Variants in MDM4 observed in about 807,000 individuals in gnomAD.
MDM4 encodes MDM4 regulator of p53.
A neutral mutation model predicts 60.2 loss-of-function variants in MDM4; 2 were observed. That is an observed-to-expected ratio of 0.03 (90% CI 0.01 to 0.10). The LOEUF (loss-of-function observed/expected upper bound fraction) is 0.10, where lower values mean the gene tolerates loss of function less well. Ranked by LOEUF, MDM4 falls within the 10% of genes least tolerant of loss-of-function variation. MDM4 has a pLI of 1.00. For missense variants in MDM4, 447 were observed against 577.5 expected (o/e 0.77, Z 2.32); for synonymous variants, 202 against 198.1 (o/e 1.02, Z -0.17).
At chr1:204,525,041 T>TA (rs1659979314) in intron 1 of MDM4, among the ~76,000 whole-genome samples, 1 of 152,252 alleles carries the variant, frequency 6.6e-6, no homozygotes, top group African/African-American at 2.4e-5. Flanking sequence ...TATGGTCCTT[T>TA]GTCAAGACAT....
chr1:204,529,191 G>C, intron 3 of MDM4: 1 of 772,292 alleles, frequency 1.3e-6, no homozygotes, highest in Non-Finnish European at 2.3e-6. Context: ...CATTTATGTG[G>C]CCTGATTAGG....
intron 1 of MDM4, among the ~76,000 whole-genome samples, chr1:204,523,473 ATTTTTTTTTTTTTTT>A (rs60954516): frequency 3.4e-5 from 2 of 58,968 alleles, no homozygotes; most frequent in South Asian, 9.1e-4. Flanking sequence ...CCTAAAAAAA[ATTTTTTTTTTTTTTT>A]TTTTTTTTTT....
At chr1:204,523,450 G>A (rs1230840611) in intron 1 of MDM4, among the ~76,000 whole-genome samples, 1 of 137,368 alleles carries the variant, frequency 7.3e-6, no homozygotes, top group Non-Finnish European at 1.6e-5. Flanking sequence ...CTGGGCGACA[G>A]AGCGAGACTC....
intron 9 of MDM4, among the ~76,000 whole-genome samples, chr1:204,546,169 T>G (rs1662637066): frequency 6.6e-6 from 1 of 152,184 alleles, no homozygotes; most frequent in South Asian, 2.1e-4. Flanking sequence ...TTTAACAATT[T>G]GGAGCTTTTC....
intron 3 of MDM4, chr1:204,529,146 C>G (rs1660581505): frequency 9.9e-7 from 1 of 1,007,342 alleles, no homozygotes; most frequent in Non-Finnish European, 1.5e-6. Context: ...GCTTCCACTG[C>G]TGGATGAATT....
chr1:204,529,291 A>C, intron 3 of MDM4: 1 of 751,440 alleles, frequency 1.3e-6, no homozygotes, highest in Non-Finnish European at 2.4e-6. Flanking sequence ...CACCTCCTTC[A>C]TGGAGATAAA....
intron 5 of MDM4, chr1:204,532,968 G>T: frequency 1.1e-5 from 9 of 850,334 alleles, no homozygotes; most frequent in Non-Finnish European, 1.4e-5. Context: ...TCAGAGTCAT[G>T]TAAGGTCTGC....
Position 204,553,784 on chromosome 1 carries a change from T to G in MDM4, c.*4102T>G, listed in dbSNP as rs1353151438. 1 of 221,772 alleles carries G rather than the reference T, an allele frequency of 4.5e-6. No homozygotes were observed. Among genetic ancestry groups the G allele is most frequent in the East Asian group, 6.6e-5 (1 of 15,164 alleles). 13.7% of individuals were successfully genotyped at this position (221,772 alleles called of 1,614,324 possible). A position where few individuals can be genotyped will look rare whatever the true frequency, so the allele number is the denominator to read the frequency against. ...GTGTACTTCACAGTAATTGGTATGC[T>G]TTTTTATTTAATGCTTAAATCAAAC... On this transcript the variant is annotated 3_prime_UTR_variant, in exon 11 of 11. Transcript: ENST00000367182.
In MDM4 at chr1:204,529,988, C is replaced by T. The variant is rs930688339; in HGVS notation, c.154-696C>T. On this transcript the variant is annotated intron_variant, in intron 3 of 10. Coordinates refer to ENST00000367182, the MANE Select transcript of MDM4 (RefSeq NM_002393.5). ...GCTTCCCAGGTTCAAGTGATCCTCC[C>T]GCCTCAGCCTTCCTAGTAGCTGGGA... 5.9e-5 allele frequency among the ~76,000 whole-genome samples: 9 copies of T among 152,228 alleles called. 1 individual carries two copies. Among genetic ancestry groups the T allele is most frequent in the Admixed American group, 2.6e-4 (4 of 15,286 alleles).
At chr1:204,536,112 T>C (rs1056116084) in intron 5 of MDM4, among the ~76,000 whole-genome samples, 8 of 151,960 alleles carry the variant, frequency 5.3e-5, no homozygotes, top group African/African-American at 1.4e-4. Context: ...ATACAAAAAT[T>C]AGTCAGGCGT....
rs1268404180 is a variant in MDM4 at position 204,550,545 on chromosome 1, A to C, written c.*863A>C. ...GGATATACTATCCAACATATTGCAT[A>C]TTATATATGTGCTTTAAAGTTTTTT... On this transcript the variant is annotated 3_prime_UTR_variant, in exon 11 of 11. Transcript: ENST00000367182. 1 of 178,174 alleles carries C rather than the reference A, an allele frequency of 5.6e-6. No homozygotes were observed. The highest frequency in any genetic ancestry group is 1.2e-5 in the Non-Finnish European group (1 of 85,846). 11.0% of individuals were successfully genotyped at this position (178,174 alleles called of 1,614,324 possible).
intron 9 of MDM4, among the ~76,000 whole-genome samples, chr1:204,545,875 G>T (rs1662608356): frequency 6.6e-6 from 1 of 152,106 alleles, no homozygotes; most frequent in Non-Finnish European, 1.5e-5. Flanking sequence ...TTGGCCATTT[G>T]TGAGAAGGTT....
In MDM4 at chr1:204,556,909, ACTTT is replaced by A. The variant is rs948421029; in HGVS notation, c.*7232_*7235del. ...AGACCTCATAGCAACCTTGAATATGACTTTCTTTAGTCTCTAGCTATGCACTATT... is the reference window on the plus strand; with the variant it reads ...AGACCTCATAGCAACCTTGAATATGACTTTAGTCTCTAGCTATGCACTATT... On this transcript the variant is annotated 3_prime_UTR_variant, in exon 11 of 11. Transcript: ENST00000367182. 4.3e-5 allele frequency: 9 copies of A among 209,130 alleles called. No individual in the cohort carries two copies. The highest frequency in any genetic ancestry group is 1.8e-4 in the African/African-American group (8 of 43,894). The allele number at this position is 209,130 out of a possible 1,614,324, so 13.0% of individuals were successfully genotyped here.
rs1558343413 is a variant in MDM4, at chr1:204,552,890, C to CTTTTTTTGT, written c.*3210_*3211insTTTTTGTTT. 1 of 145,942 alleles carries CTTTTTTTGT rather than the reference C, an allele frequency of 6.9e-6. No individual in the cohort carries two copies. Among genetic ancestry groups the CTTTTTTTGT allele is most frequent in the Non-Finnish European group, 1.5e-5 (1 of 68,258 alleles). The allele number at this position is 145,942 out of a possible 1,614,324, so 9.0% of individuals were successfully genotyped here. A position where few individuals can be genotyped will look rare whatever the true frequency, so the allele number is the denominator to read the frequency against. On this transcript the variant is annotated 3_prime_UTR_variant, in exon 11 of 11. Coordinates refer to ENST00000367182, the MANE Select transcript of MDM4 (RefSeq NM_002393.5). ...TTCTTTTCTTTTTTTTTTTTTTTTA[C>CTTTTTTTGT]TTGAGATGGAGTTTTGCTCTTGTCG...
At position 204,522,402 on chromosome 1, in the gene MDM4, A is replaced by AT. The variant is rs373501508; in HGVS notation, c.-35-3066dup. 6.9e-3 allele frequency among the ~76,000 whole-genome samples: 958 copies of AT among 138,428 alleles called. 13 individuals carry two copies. The highest frequency in any genetic ancestry group is 0.025 in the African/African-American group (865 of 34,142). 90.8% of individuals were successfully genotyped at this position (138,428 alleles called of 152,430 possible). ...CCACCCATTAAAAGCCAGGTTTTAA[A>AT]TTTTTTTTTTTTTTTTGAAACAATC... On this transcript the variant is annotated intron_variant, in intron 1 of 10. Coordinates refer to ENST00000367182, the MANE Select transcript of MDM4 (RefSeq NM_002393.5).
chr1:204,539,528 TG>T lies in MDM4; in HGVS notation c.511+1221del, dbSNP rs757748126. ...AATCTGAAAACTTGTTTTTTTTTTT[TG>T]TTTTGTTTTGTTTTTTTTTTTTTGA... is the stretch of plus-strand genomic sequence containing the variant. On this transcript the variant is annotated intron_variant, in intron 7 of 10. Coordinates refer to ENST00000367182, the MANE Select transcript of MDM4 (RefSeq NM_002393.5). Among the ~76,000 whole-genome samples, 820 of 145,332 alleles carry T rather than the reference TG, an allele frequency of 5.6e-3. 11 individuals carry two copies. Among genetic ancestry groups the T allele is most frequent in the African/African-American group, 0.018 (727 of 40,528 alleles).
At chr1:204,518,854 G>A (rs1369277315) in intron 1 of MDM4, among the ~76,000 whole-genome samples, 3 of 152,190 alleles carry the variant, frequency 2.0e-5, no homozygotes, top group African/African-American at 4.8e-5. Flanking sequence ...TCAGTAGAGA[G>A]AGGTTTTCAT....
chr1:204,518,747 C>T (rs958497943), intron 1 of MDM4, among the ~76,000 whole-genome samples: 1 of 152,226 alleles, frequency 6.6e-6, no homozygotes, highest in Non-Finnish European at 1.5e-5. Flanking sequence ...CTCACTGCAA[C>T]CTCTGCCTTC....
At position 204,553,588 on chromosome 1, in the gene MDM4, TCACAC is replaced by T; in HGVS notation, c.*3911_*3915del. On this transcript the variant is annotated 3_prime_UTR_variant, in exon 11 of 11. Coordinates refer to ENST00000367182, the MANE Select transcript of MDM4 (RefSeq NM_002393.5). ...GTGCTGTAGACTATGAATAATGAAA[TCACAC>T]CACATTACCATCAGATTTCTTGTTT... 3 of 228,428 alleles carry T rather than the reference TCACAC, an allele frequency of 1.3e-5. No homozygotes were observed. In the Middle Eastern group the frequency reaches 4.0e-3, roughly 302 times the overall value. The allele number at this position is 228,428 out of a possible 1,614,324, so 14.2% of individuals were successfully genotyped here. A position where few individuals can be genotyped will look rare whatever the true frequency, so the allele number is the denominator to read the frequency against.
Sources: allele counts gnomAD v4.1 joint callset (sites outside exome capture counted in the v4.1 genomes callset), GRCh38; gene constraint gnomAD v4.1.1; transcripts MANE v1.5; gene names NCBI Gene and HGNC (gene_info 2026-07-23, HGNC 2026-07-21).